CRTAC1: variants seen among roughly 807,000 people sequenced by gnomAD.
CRTAC1 encodes the protein acidic secreted protein in cartilage.
Under a neutral mutation model 67.8 loss-of-function variants are expected in CRTAC1, and 37 were observed. The ratio of observed to expected loss-of-function variants is 0.55; its 90% CI spans 0.42 to 0.72. The LOEUF is 0.72. Ranked by LOEUF, CRTAC1 falls within the 30% of genes least tolerant of loss-of-function variation. CRTAC1 has a pLI of 0.00. For synonymous variants in CRTAC1, 348 were observed against 371.0 expected (o/e 0.94, Z 0.71); for missense variants, 780 against 931.6 (o/e 0.84, Z 2.12).
chr10:97,888,121 C>T (rs962076351), intron 11 of CRTAC1, among the ~76,000 whole-genome samples: 20 of 152,342 alleles, frequency 1.3e-4, no homozygotes, highest in African/African-American at 4.3e-4. Flanking sequence ...CCCTATCCCA[C>T]GCCCAGCAGC....
chr10:97,950,258 G>C (rs747583814), intron 2 of CRTAC1, among the ~76,000 whole-genome samples: 2,813 of 150,616 alleles, frequency 0.019, 44 homozygotes, highest in Non-Finnish European at 0.031. Context: ...GAGAGAGAGA[G>C]AGAGAGAGAG....
chr10:97,896,940 G>T lies in CRTAC1; in HGVS notation c.1185C>A (p.Gly395=). The T allele has an allele frequency of 6.4e-7, 1 of 1,560,466 alleles. No homozygotes were observed. The highest frequency in any genetic ancestry group is 8.7e-7 in the Non-Finnish European group (1 of 1,151,496). The change falls in exon 9 of 15, where the codon GGC becomes GGA. Residue 395 remains glycine, a synonymous_variant. Coordinates refer to ENST00000370597, the MANE Select transcript of CRTAC1 (RefSeq NM_018058.7). ...CCCGGCCCTCAGGCTCCAAGGCGTCGCCGGGATTGAGCTCCTCGATGAGGG... is the reference window on the plus strand; with the variant it reads ...CCCGGCCCTCAGGCTCCAAGGCGTCTCCGGGATTGAGCTCCTCGATGAGGG... ...GDPLIEELNP[G]DALEPEGRGT... is the part of the protein sequence containing the mutation.
At chr10:97,997,226 A>G (rs1842596876) in intron 2 of CRTAC1, among the ~76,000 whole-genome samples, 1 of 125,356 alleles carries the variant, frequency 8.0e-6, no homozygotes, top group African/African-American at 3.3e-5. Flanking sequence ...CCTAAAACTT[A>G]AAGTATAATA....
intron 2 of CRTAC1, among the ~76,000 whole-genome samples, chr10:97,943,312 T>C (rs971827444): frequency 6.6e-5 from 10 of 151,894 alleles, no homozygotes; most frequent in African/African-American, 2.4e-4. Context: ...TAAACATAGA[T>C]ACAGAGGTAA....
chr10:98,005,261 C>T (rs1024952041), intron 2 of CRTAC1, among the ~76,000 whole-genome samples: 49 of 150,638 alleles, frequency 3.3e-4, no homozygotes, highest in East Asian at 2.3e-3. Flanking sequence ...CGTGCCACCA[C>T]GCCTGGCTAA....
At chr10:97,893,927 G>A (rs901988847) in intron 11 of CRTAC1, among the ~76,000 whole-genome samples, 11 of 152,134 alleles carry the variant, frequency 7.2e-5, no homozygotes, top group South Asian at 4.1e-4. Context: ...GTTTTTGCAC[G>A]TATCAATAGT....
chr10:97,924,197 C>T (rs528743817), intron 3 of CRTAC1, among the ~76,000 whole-genome samples: 3 of 152,264 alleles, frequency 2.0e-5, no homozygotes, highest in South Asian at 2.1e-4. Context: ...GGAATAACTG[C>T]TGGTTGCTGA....
intron 4 of CRTAC1, among the ~76,000 whole-genome samples, chr10:97,922,937 G>A (rs1451882987): frequency 6.6e-6 from 1 of 152,150 alleles, no homozygotes; most frequent in African/African-American, 2.4e-5. Flanking sequence ...AGAAGAGGTG[G>A]GTTCATGTCC....
intron 2 of CRTAC1, among the ~76,000 whole-genome samples, chr10:97,957,317 G>A (rs1368651131): frequency 6.6e-6 from 1 of 152,136 alleles, no homozygotes; most frequent in Non-Finnish European, 1.5e-5. Context: ...GATGATAAAA[G>A]CAGTGTGCTT....
intron 3 of CRTAC1, among the ~76,000 whole-genome samples, chr10:97,929,192 T>TG (rs2050966502): frequency 6.6e-6 from 1 of 151,864 alleles, no homozygotes; most frequent in African/African-American, 2.4e-5. Context: ...AAAGTGACCA[T>TG]GGGGTGGCCA....
At chr10:97,996,953 GA>G (rs1842586189) in intron 2 of CRTAC1, among the ~76,000 whole-genome samples, 1 of 151,780 alleles carries the variant, frequency 6.6e-6, no homozygotes, top group Non-Finnish European at 1.5e-5. Context: ...GATGAAATTG[GA>G]AATCATCATT....
intron 11 of CRTAC1, among the ~76,000 whole-genome samples, chr10:97,889,456 G>C (rs983949195): frequency 6.3e-5 from 9 of 141,746 alleles, no homozygotes; most frequent in African/African-American, 9.7e-5. Flanking sequence ...AACTTGGTGG[G>C]GGGGGGTCCA....
At chr10:97,919,039 C>A (rs2050800303) in intron 4 of CRTAC1, among the ~76,000 whole-genome samples, 2 of 150,428 alleles carry the variant, frequency 1.3e-5, no homozygotes, top group Non-Finnish European at 3.0e-5. Context: ...CCACCCCCCC[C>A]CGCCTCAGCC....
In CRTAC1 at chr10:97,934,984, G is replaced by A. The variant is rs539393097; in HGVS notation, c.421+1186C>T. 5.9e-5 allele frequency among the ~76,000 whole-genome samples: 9 copies of A among 151,334 alleles called. No individual in the cohort carries two copies. The South Asian group carries it at 8.4e-4, about 14-fold the overall frequency. On this transcript the variant is annotated intron_variant, in intron 3 of 14. Transcript: ENST00000370597. The stretch of plus-strand genomic sequence containing the variant: ...GCGTGGGTGGGGGGGAGCGGCGGGC[G>A]CGGCGGGGAAACCACCTTGATCTAC...
intron 1 of CRTAC1, among the ~76,000 whole-genome samples, chr10:98,014,737 C>A (rs1053137808): frequency 2.0e-5 from 3 of 152,200 alleles, no homozygotes; most frequent in Middle Eastern, 3.4e-3. Flanking sequence ...AAATCGAAAC[C>A]ACAATGAGAT....
rs116131948 is a variant in CRTAC1 at position 97,899,296 on chromosome 10, C to T, written c.1133+2207G>A. Among the ~76,000 whole-genome samples the T allele has an allele frequency of 2.3e-3, 343 of 152,336 alleles. 2 individuals carry two copies. The highest frequency in any genetic ancestry group is 0.01 in the Middle Eastern group (3 of 294). On this transcript the variant is annotated intron_variant, in intron 8 of 14. Coordinates refer to ENST00000370597, the MANE Select transcript of CRTAC1 (RefSeq NM_018058.7). ...TCTGCTGCTGCTGTGTGGAGGCAAA[C>T]ACACTAACCCATTGGGCAGCCACGT...
intron 2 of CRTAC1, among the ~76,000 whole-genome samples, chr10:97,938,352 T>G (rs2051122116): frequency 6.6e-6 from 1 of 152,186 alleles, no homozygotes; most frequent in African/African-American, 2.4e-5. Flanking sequence ...CCATCACTAC[T>G]GCACCTTGTA....
In CRTAC1 at chr10:97,894,737, T is replaced by C. The variant is rs1261845513; in HGVS notation, c.1486+508A>G. Among the ~76,000 whole-genome samples, 10 of 37,718 alleles carry C rather than the reference T, an allele frequency of 2.7e-4. 1 individual carries two copies. Among genetic ancestry groups the C allele is most frequent in the African/African-American group, 5.4e-4 (6 of 11,042 alleles). 24.7% of individuals were successfully genotyped at this position (37,718 alleles called of 152,430 possible). ...ATATATATATATATATATATATATA[T>C]ATATATATATATATATATATATATA... On this transcript the variant is annotated intron_variant, in intron 11 of 14. Coordinates refer to ENST00000370597, the MANE Select transcript of CRTAC1 (RefSeq NM_018058.7).
At chr10:97,957,391 G>A (rs11812433) in intron 2 of CRTAC1, among the ~76,000 whole-genome samples, 4,512 of 152,264 alleles carry the variant, frequency 0.03, 220 homozygotes, top group African/African-American at 0.099. Context: ...AGTGACAGGA[G>A]CAGCCCCAGC....
Sources: gnomAD v4.1 joint callset for allele counts (sites outside exome capture counted in the v4.1 genomes callset) on GRCh38, gnomAD v4.1.1 for gene constraint, MANE v1.5 for transcripts, NCBI Gene and HGNC (gene_info 2026-07-23, HGNC 2026-07-21) for gene names.